The following CPED1 variants were observed in gnomAD, a reference collection of about 807,000 sequenced individuals.
CPED1 encodes the protein cadherin-like and PC-esterase domain-containing protein 1.
Under a neutral mutation model 128.2 loss-of-function variants are expected in CPED1, and 114 were observed. That is an observed-to-expected ratio of 0.89 (90% confidence interval 0.76 to 1.04). CPED1 has a LOEUF of 1.04. Ranked by LOEUF, CPED1 falls within the 50% of genes least tolerant of loss-of-function variation. The pLI, the probability that CPED1 is intolerant of heterozygous loss-of-function variation, is 0.00. For missense variants in CPED1, 1,211 were observed against 1,207.1 expected (o/e 1.00, Z -0.05); for synonymous variants, 462 against 426.7 (o/e 1.08, Z -1.02).
intron 5 of CPED1, among the ~76,000 whole-genome samples, chr7:121,079,683 G>A (rs1794232277): frequency 6.6e-6 from 1 of 152,232 alleles, no homozygotes; most frequent in Non-Finnish European, 1.5e-5. Flanking sequence ...CATCTCTGAA[G>A]TTGTGCAAAA....
At chr7:121,046,721 A>G (rs1793209415) in intron 3 of CPED1, among the ~76,000 whole-genome samples, 166 bp from the exon 4 acceptor site, 1 of 152,140 alleles carries the variant, frequency 6.6e-6, no homozygotes, top group African/African-American at 2.4e-5. Context: ...AAATTTAAAA[A>G]GTTGAATTTT....
At chr7:121,117,412 A>G (rs1201917312) in intron 7 of CPED1, among the ~76,000 whole-genome samples, 1 of 152,054 alleles carries the variant, frequency 6.6e-6, no homozygotes, top group Non-Finnish European at 1.5e-5. Flanking sequence ...AATTATATTC[A>G]AATACAACAT....
chr7:121,194,401 G>A (rs1487459616), intron 16 of CPED1, among the ~76,000 whole-genome samples: 1 of 151,874 alleles, frequency 6.6e-6, no homozygotes, highest in Non-Finnish European at 1.5e-5. Context: ...GGCACTACCT[G>A]GATAATGCTG....
chr7:121,026,555 C>T (rs1792589310), intron 3 of CPED1, among the ~76,000 whole-genome samples: 1 of 151,856 alleles, frequency 6.6e-6, no homozygotes, highest in Non-Finnish European at 1.5e-5. Flanking sequence ...CCTGTCCGCA[C>T]ATTCCAATTA....
At chr7:121,043,519 C>G (rs951744372) in intron 3 of CPED1, among the ~76,000 whole-genome samples, 16 of 152,152 alleles carry the variant, frequency 1.1e-4, no homozygotes, top group African/African-American at 3.1e-4. Context: ...ATGAACAACT[C>G]TAATTCATTA....
intron 16 of CPED1, among the ~76,000 whole-genome samples, chr7:121,171,712 T>C (rs1341401011): frequency 6.6e-6 from 1 of 152,204 alleles, no homozygotes; most frequent in Non-Finnish European, 1.5e-5. Flanking sequence ...CCCAGACTTT[T>C]CCTAATTTCC....
intron 21 of CPED1, among the ~76,000 whole-genome samples, chr7:121,270,117 A>T (rs1792204279): frequency 6.6e-6 from 1 of 152,064 alleles, no homozygotes; most frequent in South Asian, 2.1e-4. Context: ...TATGACCCAA[A>T]CACCTCCCAC....
chr7:121,293,826 A>C (rs1184028949), intron 22 of CPED1, among the ~76,000 whole-genome samples: 1 of 151,528 alleles, frequency 6.6e-6, no homozygotes, highest in African/African-American at 2.4e-5. Context: ...CTTGCCCTCC[A>C]TGGGCTGCAC....
At chr7:121,240,622 A>C (rs1239141435) in intron 17 of CPED1, among the ~76,000 whole-genome samples, 4 of 152,070 alleles carry the variant, frequency 2.6e-5, no homozygotes, top group African/African-American at 9.7e-5. Context: ...TCCGCTGATT[A>C]TTTTGTGGTG....
At chr7:121,086,337 G>T (rs1264230405) in intron 5 of CPED1, among the ~76,000 whole-genome samples, 2 of 152,272 alleles carry the variant, frequency 1.3e-5, no homozygotes, top group Non-Finnish European at 1.5e-5. Flanking sequence ...TGAGAAATGT[G>T]CCAGGTGTAC....
chr7:121,286,795 C>T (rs1033683643), intron 22 of CPED1, among the ~76,000 whole-genome samples: 4 of 152,078 alleles, frequency 2.6e-5, no homozygotes, highest in Admixed American at 1.3e-4. Context: ...ACTAACTACA[C>T]CTGGTGTATT....
intron 4 of CPED1, among the ~76,000 whole-genome samples, chr7:121,061,866 C>T (rs1327205309): frequency 5.3e-5 from 8 of 152,278 alleles, no homozygotes; most frequent in Admixed American, 2.6e-4. Context: ...AGCTGTATGA[C>T]ACATGACCCT....
chr7:121,274,951 ATG>A (rs1792303373), intron 22 of CPED1, among the ~76,000 whole-genome samples: 1 of 152,134 alleles, frequency 6.6e-6, no homozygotes, highest in African/African-American at 2.4e-5. Context: ...TGCTCATCTT[ATG>A]AGCCTGGCAA....
intron 22 of CPED1, among the ~76,000 whole-genome samples, chr7:121,278,832 A>C (rs942301090): frequency 6.6e-6 from 1 of 152,172 alleles, no homozygotes; most frequent in Non-Finnish European, 1.5e-5. Context: ...GTCAACAAAC[A>C]GTGAAAGTAA....
chr7:121,253,573 A>G (rs1055742611), intron 18 of CPED1, among the ~76,000 whole-genome samples: 2 of 152,140 alleles, frequency 1.3e-5, no homozygotes, highest in African/African-American at 4.8e-5. Flanking sequence ...AAAATCTCAC[A>G]TATCAATACT....
intron 17 of CPED1, among the ~76,000 whole-genome samples, chr7:121,238,875 T>G (rs897506311): frequency 6.6e-6 from 1 of 152,012 alleles, no homozygotes; most frequent in Non-Finnish European, 1.5e-5. Context: ...CTTATCCATC[T>G]TCCAATGTCT....
chr7:121,253,485 A>G (rs1798736178), intron 18 of CPED1, among the ~76,000 whole-genome samples: 1 of 151,934 alleles, frequency 6.6e-6, no homozygotes, highest in Non-Finnish European at 1.5e-5. Flanking sequence ...AAAAAAAGGA[A>G]CATAGCTCAC....
intron 7 of CPED1, among the ~76,000 whole-genome samples, chr7:121,116,288 A>G (rs573763920): frequency 1.1e-3 from 166 of 152,376 alleles, no homozygotes; most frequent in African/African-American, 3.8e-3. Flanking sequence ...AGTTTTTAAT[A>G]TAATTCCAAG....
chr7:121,090,222 A>G (rs1794539991), intron 5 of CPED1, among the ~76,000 whole-genome samples: 1 of 152,168 alleles, frequency 6.6e-6, no homozygotes, highest in African/African-American at 2.4e-5. Flanking sequence ...GTTGGTGGAA[A>G]TTTTGTACAA....
Sources: allele counts gnomAD v4.1 joint callset (sites outside exome capture counted in the v4.1 genomes callset), GRCh38; gene constraint gnomAD v4.1.1; transcripts MANE v1.5; gene names NCBI Gene and HGNC (gene_info 2026-07-23, HGNC 2026-07-21).